CPXM2: variants seen among roughly 807,000 people sequenced by gnomAD.
CPXM2 encodes the protein carboxypeptidase X, M14 family member 2.
Under a neutral mutation model 86.1 loss-of-function variants are expected in CPXM2, and 66 were observed. The ratio of observed to expected loss-of-function variants is 0.77; its 90% CI spans 0.63 to 0.94. CPXM2 has a LOEUF of 0.94. Among genes scored for constraint, CPXM2 ranks in the 40% least tolerant of loss-of-function variants. CPXM2 has a pLI of 0.00. For missense variants in CPXM2, 948 were observed against 1,026.3 expected (o/e 0.92, Z 1.04); for synonymous variants, 388 against 400.2 (o/e 0.97, Z 0.36).
chr10:123,901,256 TA>T (rs1326946056), intron 2 of CPXM2, among the ~76,000 whole-genome samples: 1 of 152,138 alleles, frequency 6.6e-6, no homozygotes, highest in East Asian at 1.9e-4. Flanking sequence ...AATCAGGAAA[TA>T]CAATTTTAAA....
intron 6 of CPXM2, among the ~76,000 whole-genome samples, chr10:123,797,707 C>T (rs1001289701): frequency 1.3e-5 from 2 of 151,990 alleles, no homozygotes; most frequent in Admixed American, 6.6e-5. Flanking sequence ...TACAGGCTCA[C>T]TCCACCATGC....
chr10:123,877,231 T>C (rs1469812940), intron 2 of CPXM2, among the ~76,000 whole-genome samples: 1 of 152,204 alleles, frequency 6.6e-6, no homozygotes, highest in African/African-American at 2.4e-5. Flanking sequence ...CAAAAGCTGT[T>C]TACAGTAGCA....
intron 1 of CPXM2, among the ~76,000 whole-genome samples, chr10:123,883,319 G>T (rs1945124781): frequency 6.6e-6 from 1 of 152,252 alleles, no homozygotes; most frequent in Non-Finnish European, 1.5e-5. Context: ...GCAGCTGGTG[G>T]TTGGAAGTGC....
At chr10:123,892,223 C>G (rs977916298), upstream of CPXM2, among the ~76,000 whole-genome samples, 4 of 152,182 alleles carry the variant, frequency 2.6e-5, no homozygotes, top group African/African-American at 9.6e-5. Flanking sequence ...GGACTTCCCA[C>G]TAGCCATGCT....
chr10:123,924,782 C>T (rs1382984539), intron 2 of CPXM2, among the ~76,000 whole-genome samples: 1 of 152,098 alleles, frequency 6.6e-6, no homozygotes, highest in African/African-American at 2.4e-5. Context: ...TATTCGGGGG[C>T]CCAACAAGAG....
intron 2 of CPXM2, among the ~76,000 whole-genome samples, chr10:123,923,864 T>C (rs546555501): frequency 1.3e-5 from 2 of 152,314 alleles, no homozygotes; most frequent in East Asian, 1.9e-4. Context: ...ATGTGAGACA[T>C]GCCTTTCACC....
chr10:123,936,802 C>T lies in CPXM2; in HGVS notation n.174+2675G>A, dbSNP rs190039193. ...CTCGGGCCCCACTGCCCCTTCCAGG[C>T]TCTGGCCTGCACCCTCCTGCCTTCC... On this transcript the variant is annotated intron_variant and non_coding_transcript_variant, in intron 2 of 19. Transcript: ENST00000368854. Among the ~76,000 whole-genome samples the T allele has an allele frequency of 3.4e-3, 514 of 152,320 alleles. 5 individuals are homozygous for T. Among genetic ancestry groups the T allele is most frequent in the African/African-American group, 0.012 (490 of 41,574 alleles).
chr10:123,846,797 G>T (rs76387478), intron 3 of CPXM2, among the ~76,000 whole-genome samples: 4,303 of 152,182 alleles, frequency 0.028, 80 homozygotes, highest in African/African-American at 0.053. Context: ...TAACAGAAAC[G>T]TAAAACACAA....
intron 3 of CPXM2, among the ~76,000 whole-genome samples, chr10:123,855,261 C>T (rs1200056204): frequency 1.3e-5 from 2 of 152,124 alleles, no homozygotes; most frequent in Non-Finnish European, 2.9e-5. Flanking sequence ...GACTCGGAAA[C>T]TATGTCTACT....
chr10:123,904,464 G>C (rs755698583), intron 2 of CPXM2, among the ~76,000 whole-genome samples: 1 of 152,172 alleles, frequency 6.6e-6, no homozygotes, highest in African/African-American at 2.4e-5. Flanking sequence ...CCACCTCACC[G>C]ACCAGTTGTG....
chr10:123,934,620 C>A (rs1419405745), intron 2 of CPXM2, among the ~76,000 whole-genome samples: 1 of 152,022 alleles, frequency 6.6e-6, no homozygotes, highest in Non-Finnish European at 1.5e-5. Flanking sequence ...TGGTGGGGAC[C>A]CTCTTCAACC....
chr10:123,757,578 G>A (rs1846244164), intron 11 of CPXM2, among the ~76,000 whole-genome samples: 1 of 152,240 alleles, frequency 6.6e-6, no homozygotes, highest in Non-Finnish European at 1.5e-5. Flanking sequence ...GGTGAGGACA[G>A]ACACATGGAA....
At chr10:123,768,331 G>A (rs1187632392) in intron 9 of CPXM2, 195 bp downstream of exon 9, 13 of 280,168 alleles carry the variant, frequency 4.6e-5, no homozygotes, top group Middle Eastern at 9.6e-4. Context: ...CGGAGATCAC[G>A]CCACTGTACT....
chr10:123,888,462 T>C (rs1296170150), intron 1 of CPXM2, among the ~76,000 whole-genome samples: 2 of 152,166 alleles, frequency 1.3e-5, no homozygotes, highest in Admixed American at 6.5e-5. Context: ...CAGGCCACAG[T>C]CCAATGTTCC....
chr10:123,823,802 A>G (rs1371446639), intron 4 of CPXM2, among the ~76,000 whole-genome samples: 1 of 152,202 alleles, frequency 6.6e-6, no homozygotes. Flanking sequence ...AAAGCATTTT[A>G]TTCCAAAATA....
At chr10:123,747,830 G>A (rs1465766082) in intron 13 of CPXM2, among the ~76,000 whole-genome samples, 4 of 150,216 alleles carry the variant, frequency 2.7e-5, no homozygotes, top group Middle Eastern at 3.4e-3. Context: ...GATGAGACAG[G>A]AGAATCACTT....
chr10:123,906,458 C>G (rs1945442149), intron 2 of CPXM2, among the ~76,000 whole-genome samples: 1 of 152,298 alleles, frequency 6.6e-6, no homozygotes, highest in African/African-American at 2.4e-5. Flanking sequence ...AATGGATCTG[C>G]CAAATCACTG....
At chr10:123,853,193 T>G (rs1848640168) in intron 3 of CPXM2, among the ~76,000 whole-genome samples, 1 of 152,182 alleles carries the variant, frequency 6.6e-6, no homozygotes, top group South Asian at 2.1e-4. Context: ...CCCTTCACTT[T>G]CCGCCATGAC....
intron 3 of CPXM2, 51 bp from the exon 4 acceptor site, chr10:123,842,539 A>G (rs1269008264): frequency 2.5e-6 from 4 of 1,576,694 alleles, no homozygotes; most frequent in Non-Finnish European, 3.5e-6. Flanking sequence ...ATTGAAGAAA[A>G]TTAAGACATA....
Sources: allele counts gnomAD v4.1 joint callset (sites outside exome capture counted in the v4.1 genomes callset), GRCh38; gene constraint gnomAD v4.1.1; transcripts MANE v1.5; gene names NCBI Gene and HGNC (gene_info 2026-07-23, HGNC 2026-07-21).